Variants in PCDH15 observed in about 807,000 individuals in gnomAD.
PCDH15 encodes protocadherin related 15.
A neutral mutation model predicts 178.5 loss-of-function variants in PCDH15; 129 were observed. The observed-to-expected ratio is 0.72, with a 90% CI of 0.63 to 0.84. The LOEUF (loss-of-function observed/expected upper bound fraction) is 0.84, where lower values mean the gene tolerates loss of function less well. PCDH15 is among the 40% of genes least tolerant of loss of function. PCDH15 has a pLI of 0.00. For synonymous variants in PCDH15, 800 were observed against 732.0 expected (o/e 1.09, Z -1.50); for missense variants, 2,230 against 2,099.9 (o/e 1.06, Z -1.21).
At chr10:54,833,893 G>T (rs1953267559) in intron 3 of PCDH15, among the ~76,000 whole-genome samples, 2 of 152,138 alleles carry the variant, frequency 1.3e-5, no homozygotes, top group Admixed American at 1.3e-4. Flanking sequence ...GGTAGATCGG[G>T]TGTTTTGGGA....
chr10:54,234,341 C>T (rs1380840537), intron 9 of PCDH15, among the ~76,000 whole-genome samples: 1 of 152,012 alleles, frequency 6.6e-6, no homozygotes, highest in Non-Finnish European at 1.5e-5. Context: ...TGTATTGGAT[C>T]AAATTCTCAC....
At chr10:55,395,268 T>C (rs1018539451) in intron 2 of PCDH15, among the ~76,000 whole-genome samples, 2 of 151,800 alleles carry the variant, frequency 1.3e-5, no homozygotes, top group African/African-American at 2.4e-5. Context: ...TAGTTTTCTA[T>C]GGGTTCTAAC....
intron 8 of PCDH15, among the ~76,000 whole-genome samples, chr10:54,291,795 C>G (rs1239460239): frequency 6.6e-6 from 1 of 152,108 alleles, no homozygotes; most frequent in African/African-American, 2.4e-5. Context: ...TCTGAATAGA[C>G]CAATAACAGG....
chr10:54,518,518 T>A (rs1230083009), intron 3 of PCDH15, among the ~76,000 whole-genome samples: 1 of 151,248 alleles, frequency 6.6e-6, no homozygotes, highest in Non-Finnish European at 1.5e-5. Context: ...CAGGAAGAAG[T>A]TGAATCTCTG....
chr10:54,280,370 T>G (rs1218368661), intron 8 of PCDH15, among the ~76,000 whole-genome samples: 10 of 151,480 alleles, frequency 6.6e-5, no homozygotes, highest in Non-Finnish European at 3.0e-5. Context: ...TGTCTCTATC[T>G]TAAAAGATAT....
intron 8 of PCDH15, among the ~76,000 whole-genome samples, chr10:54,274,659 TAA>T (rs1303669863): frequency 6.7e-6 from 1 of 149,066 alleles, no homozygotes. Context: ...TGTGTGTGTC[TAA>T]AGTCACCCTA....
chr10:54,727,949 A>T (rs2132606717), intron 1 of PCDH15, among the ~76,000 whole-genome samples: 1 of 151,592 alleles, frequency 6.6e-6, no homozygotes, highest in South Asian at 2.1e-4. Flanking sequence ...TAACAAACCA[A>T]CCAACCAGAA....
intron 2 of PCDH15, among the ~76,000 whole-genome samples, chr10:54,559,021 G>T (rs1024703107): frequency 4.6e-5 from 7 of 151,936 alleles, no homozygotes; most frequent in Admixed American, 3.9e-4. Flanking sequence ...CAAGAATTGC[G>T]CAGGTTCCTC....
At chr10:53,965,576 T>C (rs1716175148) in intron 21 of PCDH15, among the ~76,000 whole-genome samples, 1 of 152,274 alleles carries the variant, frequency 6.6e-6, no homozygotes, top group South Asian at 2.1e-4. Context: ...TGAGCAAAAG[T>C]GCTTGGCAAA....
rs57384562 is a variant in PCDH15 at position 55,044,995 on chromosome 10, G to A, written c.-80+121581C>T. Among the ~76,000 whole-genome samples the A allele has an allele frequency of 5.0e-3, 753 of 152,114 alleles. 3 individuals carry two copies. The highest frequency in any genetic ancestry group is 0.017 in the African/African-American group (723 of 41,538). ...TTTCATCACTGGGCTTACCTGACCC[G>A]TATCTAAGCCTGCAAACCATACTCA... is the stretch of plus-strand genomic sequence containing the variant. On this transcript the variant is annotated intron_variant, in intron 2 of 5. Coordinates refer to the PCDH15 transcript ENST00000458638.
intron 3 of PCDH15, among the ~76,000 whole-genome samples, chr10:54,858,014 G>A (rs1953770737): frequency 6.6e-6 from 1 of 152,100 alleles, no homozygotes; most frequent in Non-Finnish European, 1.5e-5. Flanking sequence ...GGGTTATGTT[G>A]CCTGTGCAAT....
chr10:54,233,914 C>T (rs545745242), intron 9 of PCDH15, among the ~76,000 whole-genome samples: 1 of 152,162 alleles, frequency 6.6e-6, no homozygotes, highest in Non-Finnish European at 1.5e-5. Context: ...AGGTTGACAA[C>T]AGCCCTTGGA....
At chr10:55,439,621 G>A (rs1413669) in intron 2 of PCDH15, among the ~76,000 whole-genome samples, 116,040 of 151,556 alleles carry the variant, frequency 0.77, 45,760 homozygotes, top group East Asian at 0.99. Flanking sequence ...GATGAAAACC[G>A]CAATTACTTT....
chr10:53,930,738 C>T (rs1049215160), intron 25 of PCDH15, among the ~76,000 whole-genome samples: 1 of 152,098 alleles, frequency 6.6e-6, no homozygotes, highest in East Asian at 1.9e-4. Context: ...TGTTTTCTTA[C>T]ACTCTTACGT....
chr10:54,779,481 T>C (rs1165730383), intron 1 of PCDH15, among the ~76,000 whole-genome samples: 15 of 74,286 alleles, frequency 2.0e-4, no homozygotes, highest in South Asian at 4.6e-4. Flanking sequence ...TATACACACA[T>C]ATATATGTAT....
intron 2 of PCDH15, among the ~76,000 whole-genome samples, chr10:55,408,015 C>G (rs1297513632): frequency 6.6e-6 from 1 of 152,034 alleles, no homozygotes; most frequent in African/African-American, 2.4e-5. Context: ...AAAATGTGCT[C>G]TCCAACACTA....
chr10:55,051,557 C>T (rs2131988215), intron 2 of PCDH15, among the ~76,000 whole-genome samples: 1 of 152,242 alleles, frequency 6.6e-6, no homozygotes, highest in East Asian at 1.9e-4. Context: ...TCTCTCCTGT[C>T]CTAAGCACTT....
intron 2 of PCDH15, among the ~76,000 whole-genome samples, chr10:55,384,490 G>T (rs192013247): frequency 6.6e-6 from 1 of 151,978 alleles, no homozygotes; most frequent in Admixed American, 6.6e-5. Flanking sequence ...AAAATTAATT[G>T]CCATTACAAA....
intron 21 of PCDH15, among the ~76,000 whole-genome samples, chr10:53,983,355 A>G (rs2090832283): frequency 6.8e-6 from 1 of 147,136 alleles, no homozygotes; most frequent in Non-Finnish European, 1.5e-5. Flanking sequence ...AAAGGACAAA[A>G]GAGAAAGAAA....
Sources: gnomAD v4.1 joint callset for allele counts (sites outside exome capture counted in the v4.1 genomes callset) on GRCh38, gnomAD v4.1.1 for gene constraint, MANE v1.5 for transcripts, NCBI Gene and HGNC (gene_info 2026-07-23, HGNC 2026-07-21) for gene names.